PARD3B: variants seen among roughly 807,000 people sequenced by gnomAD.
PARD3B encodes the protein par-3 family cell polarity regulator beta, also known as partitioning defective 3 homolog B.
In PARD3B, 103 loss-of-function variants were observed where a neutral mutation model predicts 130.2. The ratio of observed to expected loss-of-function variants is 0.79; its 90% CI spans 0.67 to 0.93. PARD3B has a LOEUF of 0.93. Ranked by LOEUF, PARD3B falls within the 40% of genes least tolerant of loss-of-function variation. PARD3B has a pLI of 0.00. For synonymous variants in PARD3B, 583 were observed against 553.2 expected, an observed-to-expected ratio of 1.05 and a Z score of -0.76; for missense variants, 1,609 against 1,499.2, an observed-to-expected ratio of 1.07 and a Z score of -1.21.
At chr2:205,392,627 G>A (rs2045896988) in intron 18 of PARD3B, among the ~76,000 whole-genome samples, 2 of 152,132 alleles carry the variant, frequency 1.3e-5, no homozygotes, top group Non-Finnish European at 2.9e-5. Context: ...TTTTAATATT[G>A]AGTTTGTCGT....
chr2:205,251,090 C>T lies in PARD3B; in HGVS notation c.2185+5268C>T, dbSNP rs150860520. On this transcript the variant is annotated intron_variant, in intron 16 of 22. Transcript: ENST00000406610. ...TGAAAGACACAGCCCCTACATGACA[C>T]ACACACATATCAAGCTATCTGATAC... 2.2e-3 allele frequency among the ~76,000 whole-genome samples: 339 copies of T among 152,288 alleles called. 1 individual carries two copies. Among genetic ancestry groups the T allele is most frequent in the African/African-American group, 7.6e-3 (316 of 41,568 alleles).
At chr2:205,343,633 A>G (rs1269656397) in intron 18 of PARD3B, among the ~76,000 whole-genome samples, 3 of 152,192 alleles carry the variant, frequency 2.0e-5, no homozygotes, top group Non-Finnish European at 2.9e-5. Flanking sequence ...ATTAAGTAGT[A>G]ACTACAAAGC....
chr2:205,458,162 G>C lies in PARD3B; in HGVS notation c.3044+17490G>C, dbSNP rs2048335857. On this transcript the variant is annotated intron_variant, in intron 20 of 22. Coordinates refer to ENST00000406610, the MANE Select transcript of PARD3B (RefSeq NM_001302769.2). This position sits in a 1 kb window ranked among gnomAD's most constrained non-coding sequence, Gnocchi z 4.8. ...GTATGTTTAAACCTGATTAGGATTT[G>C]CAGAGCTTCTTAAATCTGTGCTTTA... Among the ~76,000 whole-genome samples the C allele has an allele frequency of 6.6e-6, 1 of 152,042 alleles. No individual in the cohort carries two copies. Among genetic ancestry groups the C allele is most frequent in the African/African-American group, 2.4e-5 (1 of 41,420 alleles).
At position 204,563,164 on chromosome 2, in the gene PARD3B, A is replaced by G. The variant is rs115605771; in HGVS notation, c.120+17045A>G. On this transcript the variant is annotated intron_variant, in intron 1 of 22. Coordinates refer to ENST00000406610, the MANE Select transcript of PARD3B (RefSeq NM_001302769.2). ...TGGCAGCCCAGGGCATTTCTGAGCT[A>G]TGGCAGCATAACTCCAATCTCTGCC... Among the ~76,000 whole-genome samples, 796 of 150,934 alleles carry G rather than the reference A, an allele frequency of 5.3e-3. 6 individuals are homozygous for G. The highest frequency in any genetic ancestry group is 0.019 in the African/African-American group (766 of 41,030).
At chr2:205,217,544 G>A (rs1010931609) in intron 15 of PARD3B, among the ~76,000 whole-genome samples, 3 of 151,966 alleles carry the variant, frequency 2.0e-5, no homozygotes, top group African/African-American at 7.2e-5. Context: ...GAAGGAACAA[G>A]ATGCAGGAAG....
Position 204,998,354 on chromosome 2 carries a change from ATATATG to A in PARD3B, c.394+33033_394+33038del, listed in dbSNP as rs1264983103. Reference sequence around the variant, plus strand: ...TATATATATATATATATATATATATATATATGTGTGTGTGTGTGTGTATATATGTGT... The same window carrying A: ...TATATATATATATATATATATATATATGTGTGTGTGTGTGTATATATGTGT... On this transcript the variant is annotated intron_variant, in intron 3 of 22. Coordinates refer to ENST00000406610, the MANE Select transcript of PARD3B (RefSeq NM_001302769.2). 4.9e-3 allele frequency among the ~76,000 whole-genome samples: 355 copies of A among 72,918 alleles called. 23 individuals are homozygous for A. Among genetic ancestry groups the A allele is most frequent in the African/African-American group, 0.021 (310 of 14,530 alleles). 47.8% of individuals were successfully genotyped at this position (72,918 alleles called of 152,430 possible).
At chr2:205,384,524 A>C (rs937167938) in intron 18 of PARD3B, among the ~76,000 whole-genome samples, 1 of 152,124 alleles carries the variant, frequency 6.6e-6, no homozygotes, top group Non-Finnish European at 1.5e-5. Context: ...ACTTATGGTC[A>C]GTCCTAAAAG....
chr2:204,930,047 G>A (rs1687911836), intron 2 of PARD3B, among the ~76,000 whole-genome samples: 4 of 151,790 alleles, frequency 2.6e-5, no homozygotes, highest in South Asian at 4.2e-4. Context: ...TAATAATTCT[G>A]TATCTTCTTG....
chr2:205,033,653 CCAATATATTATCTT>C (rs1697583808), intron 3 of PARD3B, among the ~76,000 whole-genome samples: 1 of 152,130 alleles, frequency 6.6e-6, no homozygotes, highest in Admixed American at 6.6e-5. Context: ...TCATTTTACA[CCAATATATTATCTT>C]ATATATCTTC....
intron 1 of PARD3B, among the ~76,000 whole-genome samples, chr2:204,665,831 A>G (rs2035998896): frequency 6.6e-6 from 1 of 152,200 alleles, no homozygotes; most frequent in Non-Finnish European, 1.5e-5. Flanking sequence ...CAAGTTTTAG[A>G]GGGCTCCAAG....
intron 18 of PARD3B, among the ~76,000 whole-genome samples, chr2:205,374,653 G>T (rs146685634): frequency 6.6e-6 from 1 of 151,740 alleles, no homozygotes; most frequent in Non-Finnish European, 1.5e-5. Flanking sequence ...TTTTTACCCC[G>T]TTACAGTCTT....
At chr2:205,311,912 T>C (rs1574667494) in intron 18 of PARD3B, among the ~76,000 whole-genome samples, 1 of 152,188 alleles carries the variant, frequency 6.6e-6, no homozygotes, top group East Asian at 1.9e-4. Context: ...AGTGTGTAGG[T>C]GGGTTTGGAC....
At chr2:205,497,598 G>A (rs371217392) in intron 20 of PARD3B, among the ~76,000 whole-genome samples, 2 of 151,784 alleles carry the variant, frequency 1.3e-5, no homozygotes, top group Middle Eastern at 3.2e-3. Flanking sequence ...AGCTCTTCAC[G>A]CTGGGGCTCT....
chr2:205,534,055 CAA>C (rs71410823), intron 21 of PARD3B, among the ~76,000 whole-genome samples: 7 of 129,370 alleles, frequency 5.4e-5, no homozygotes, highest in Non-Finnish European at 4.8e-5. Flanking sequence ...GTGAAAAAGC[CAA>C]AAAAAAAAAA....
chr2:205,446,007 C>T lies in PARD3B; in HGVS notation c.3044+5335C>T, dbSNP rs1367868167. Among the ~76,000 whole-genome samples, 1 of 152,086 alleles carries T rather than the reference C, an allele frequency of 6.6e-6. No individual in the cohort carries two copies. Among genetic ancestry groups the T allele is most frequent in the Non-Finnish European group, 1.5e-5 (1 of 68,030 alleles). On this transcript the variant is annotated intron_variant, in intron 20 of 22. Transcript: ENST00000406610. The surrounding 1 kb of genome is among the most constrained non-coding windows in gnomAD (Gnocchi z 4.4). The stretch of plus-strand genomic sequence containing the variant: ...TTAGGATCCAATGGCAATACAAAGA[C>T]CTAAACATGCAGTGAGAACACAGTG...
At chr2:204,812,111 A>G (rs2042982473) in intron 2 of PARD3B, among the ~76,000 whole-genome samples, 1 of 152,188 alleles carries the variant, frequency 6.6e-6, no homozygotes, top group Non-Finnish European at 1.5e-5. Flanking sequence ...CTACATTTTT[A>G]CATATACATA....
intron 10 of PARD3B, among the ~76,000 whole-genome samples, chr2:205,149,033 T>C (rs1382331914): frequency 6.6e-6 from 1 of 152,176 alleles, no homozygotes; most frequent in East Asian, 1.9e-4. Context: ...TTATTACCAC[T>C]TGCATGCGTG....
intron 2 of PARD3B, among the ~76,000 whole-genome samples, chr2:204,930,087 C>CT (rs918395970): frequency 6.6e-6 from 1 of 151,808 alleles, no homozygotes; most frequent in Non-Finnish European, 1.5e-5. Context: ...CAAAGAAGTA[C>CT]TTTTTTGTCT....
At position 204,686,266 on chromosome 2, in the gene PARD3B, T is replaced by C; in HGVS notation, c.206T>C (p.Val69Ala). ...LDPDDVLADV[V>A]EDKDKLIAVF... ...CCAGATGATGTCTTGGCAGATGTTG[T>C]TGAAGATAAAGACAAGGTAGATAAC... Residue 69 changes from valine (V) to alanine (A), a missense_variant, in exon 2 of 23, where the codon GTT becomes GCT. By Grantham distance (64) the Val-to-Ala change is moderately conservative (BLOSUM62 0). Coordinates refer to ENST00000406610, the MANE Select transcript of PARD3B (RefSeq NM_001302769.2). The C allele has an allele frequency of 6.2e-7, 1 of 1,609,592 alleles. No individual in the cohort carries two copies. The highest frequency in any genetic ancestry group is 8.5e-7 in the Non-Finnish European group (1 of 1,176,046).
Sources: allele counts gnomAD v4.1 joint callset (sites outside exome capture counted in the v4.1 genomes callset), GRCh38; gene constraint gnomAD v4.1.1; non-coding constraint Gnocchi (gnomAD v3.1); transcripts MANE v1.5; gene names NCBI Gene and HGNC (gene_info 2026-07-23, HGNC 2026-07-21).